Variants in CCDC91 observed in about 807,000 individuals in gnomAD.
CCDC91 encodes coiled-coil domain-containing protein 91.
A neutral mutation model predicts 63.2 loss-of-function variants in CCDC91; 48 were observed. The observed-to-expected ratio is 0.76, with a 90% CI of 0.60 to 0.97. The LOEUF (loss-of-function observed/expected upper bound fraction) is 0.97, where lower values mean the gene tolerates loss of function less well. Among genes scored for constraint, CCDC91 ranks in the 50% least tolerant of loss-of-function variants. CCDC91 has a pLI of 0.00. For synonymous variants in CCDC91, 167 were observed against 165.8 expected (o/e 1.01, Z -0.06); for missense variants, 500 against 494.6 (o/e 1.01, Z -0.10).
At chr12:28,239,093 C>T (rs1177773908) in intron 1 of CCDC91, among the ~76,000 whole-genome samples, 1 of 150,068 alleles carries the variant, frequency 6.7e-6, no homozygotes, top group Non-Finnish European at 1.5e-5. Context: ...GCACTCCAGC[C>T]TGGGTGACAG....
At chr12:28,373,429 G>A (rs886664534) in intron 7 of CCDC91, among the ~76,000 whole-genome samples, 2 of 151,872 alleles carry the variant, frequency 1.3e-5, no homozygotes, top group African/African-American at 4.8e-5. Context: ...TTTCTCATGT[G>A]TTACTTTCAT....
At chr12:28,407,270 G>A (rs1565924450) in intron 8 of CCDC91, among the ~76,000 whole-genome samples, 1 of 151,930 alleles carries the variant, frequency 6.6e-6, no homozygotes, top group Non-Finnish European at 1.5e-5. Flanking sequence ...TCTAGTCTCG[G>A]GTATTTCTTT....
intron 12 of CCDC91, among the ~76,000 whole-genome samples, chr12:28,495,542 C>T (rs566417567): frequency 1.3e-5 from 2 of 151,760 alleles, no homozygotes; most frequent in African/African-American, 4.8e-5. Context: ...CGTCCCATAA[C>T]ATTGGAAGCC....
intron 12 of CCDC91, among the ~76,000 whole-genome samples, chr12:28,494,013 G>GT (rs1223615710): frequency 6.6e-6 from 1 of 151,656 alleles, no homozygotes; most frequent in Non-Finnish European, 1.5e-5. Flanking sequence ...GGTCACATTT[G>GT]TTTTTTCACA....
At chr12:28,199,227 AC>A (rs1161562788) in intron 1 of CCDC91, among the ~76,000 whole-genome samples, 1 of 151,744 alleles carries the variant, frequency 6.6e-6, no homozygotes, top group Non-Finnish European at 1.5e-5. Flanking sequence ...CGTTTCTTTT[AC>A]TAAATATTTT....
At chr12:28,255,665 G>A (rs1946397807) in intron 1 of CCDC91, 1 of 152,130 alleles carries the variant, frequency 6.6e-6, no homozygotes, top group Non-Finnish European at 1.5e-5. Flanking sequence ...CTAAAATTGT[G>A]AGTAATGGTA....
intron 1 of CCDC91, among the ~76,000 whole-genome samples, chr12:28,242,700 G>C (rs1201002021): frequency 1.3e-5 from 2 of 152,072 alleles, no homozygotes; most frequent in Non-Finnish European, 2.9e-5. Flanking sequence ...ACGTGGTTTG[G>C]ATCTGTGTTC....
chr12:28,232,184 T>G (rs1944644166), intron 1 of CCDC91, among the ~76,000 whole-genome samples: 1 of 152,088 alleles, frequency 6.6e-6, no homozygotes, highest in East Asian at 1.9e-4. Flanking sequence ...ATGTAGGAGA[T>G]TCTTTTTATT....
At chr12:28,361,782 C>G (rs1344237387) in intron 6 of CCDC91, among the ~76,000 whole-genome samples, 2 of 144,294 alleles carry the variant, frequency 1.4e-5, no homozygotes, top group East Asian at 4.2e-4. Context: ...CTCTTACATA[C>G]ATTTTAAAAA....
At chr12:28,274,604 T>C (rs1047987290) in intron 3 of CCDC91, among the ~76,000 whole-genome samples, 3 of 152,114 alleles carry the variant, frequency 2.0e-5, no homozygotes, top group Admixed American at 6.6e-5. Context: ...TTTGAAGCAA[T>C]TGTGAATGGG....
At chr12:28,358,922 G>C (rs1592416398) in intron 6 of CCDC91, among the ~76,000 whole-genome samples, 1 of 152,198 alleles carries the variant, frequency 6.6e-6, no homozygotes, top group Non-Finnish European at 1.5e-5. Context: ...TTGAGACAGA[G>C]TCTTGCTCTG....
rs576198373 is a variant in CCDC91 at position 28,311,954 on chromosome 12, G to C, written c.576+4205G>C. Among the ~76,000 whole-genome samples, 13 of 151,990 alleles carry C rather than the reference G, an allele frequency of 8.6e-5. No individual in the cohort carries two copies. In the East Asian group the frequency reaches 2.5e-3, roughly 30 times the overall value. ...GCTTTGTCATTCCTTGGATTCCCAG[G>C]TCCCTAGTTAGTCTGCCTTCCCTCT... is the stretch of plus-strand genomic sequence containing the variant. On this transcript the variant is annotated intron_variant, in intron 6 of 12. Coordinates refer to ENST00000536442, the MANE Select transcript of CCDC91 (RefSeq NM_018318.5).
chr12:28,415,321 T>A (rs1947578686), intron 8 of CCDC91, among the ~76,000 whole-genome samples: 1 of 152,118 alleles, frequency 6.6e-6, no homozygotes, highest in South Asian at 2.1e-4. Context: ...CCTCCCAGGT[T>A]CAAGCAATTC....
intron 7 of CCDC91, among the ~76,000 whole-genome samples, chr12:28,373,024 G>T (rs1944718578): frequency 6.6e-6 from 1 of 151,950 alleles, no homozygotes; most frequent in Admixed American, 6.6e-5. Flanking sequence ...GTTTGTTGGG[G>T]TCCTTTAGTA....
intron 3 of CCDC91, among the ~76,000 whole-genome samples, chr12:28,304,022 G>A (rs767049841): frequency 6.6e-6 from 1 of 151,916 alleles, no homozygotes; most frequent in Non-Finnish European, 1.5e-5. Flanking sequence ...AATAATTTCC[G>A]AAGTAGGGAT....
chr12:28,197,977 A>C (rs966630261), intron 1 of CCDC91, among the ~76,000 whole-genome samples: 5 of 152,188 alleles, frequency 3.3e-5, no homozygotes, highest in Non-Finnish European at 7.4e-5. Flanking sequence ...TGGAGATAAA[A>C]AATAATGTTA....
At chr12:28,421,844 ATTCCTTCCC>A (rs1948034323) in intron 8 of CCDC91, among the ~76,000 whole-genome samples, 5 of 152,006 alleles carry the variant, frequency 3.3e-5, no homozygotes, top group Admixed American at 3.3e-4. Context: ...CCTTCTTCCT[ATTCCTTCCC>A]TGTATCCTAT....
At chr12:28,295,036 C>T (rs1028981193) in intron 3 of CCDC91, among the ~76,000 whole-genome samples, 7 of 152,132 alleles carry the variant, frequency 4.6e-5, no homozygotes, top group African/African-American at 1.7e-4. Flanking sequence ...CTGATTCTAG[C>T]CCTGTTCATT....
intron 12 of CCDC91, among the ~76,000 whole-genome samples, chr12:28,504,543 A>G (rs1430837892): frequency 5.3e-5 from 8 of 151,890 alleles, no homozygotes; most frequent in Admixed American, 3.3e-4. Flanking sequence ...TCTATCTTCA[A>G]TATATATTCA....
Sources: allele counts gnomAD v4.1 joint callset (sites outside exome capture counted in the v4.1 genomes callset), GRCh38; gene constraint gnomAD v4.1.1; transcripts MANE v1.5; gene names NCBI Gene and HGNC (gene_info 2026-07-23, HGNC 2026-07-21).